Variants in PTPRK observed in about 807,000 individuals in gnomAD.
PTPRK encodes protein tyrosine phosphatase receptor type K.
A neutral mutation model predicts 178.0 loss-of-function variants in PTPRK; 75 were observed. That is an observed-to-expected ratio of 0.42 (90% CI 0.35 to 0.51). The LOEUF (loss-of-function observed/expected upper bound fraction) is 0.51. Among genes scored for constraint, PTPRK ranks in the 20% least tolerant of loss-of-function variants. PTPRK has a pLI of 0.02. For missense variants in PTPRK, 1,441 were observed against 1,797.8 expected (o/e 0.80, Z 3.59); for synonymous variants, 637 against 620.6 (o/e 1.03, Z -0.39).
intron 13 of PTPRK, among the ~76,000 whole-genome samples, chr6:128,029,149 T>G (rs1774843031): frequency 6.6e-6 from 1 of 152,126 alleles, no homozygotes; most frequent in Admixed American, 6.6e-5. Context: ...GGTGCCATCC[T>G]CACAGTAATG....
intron 7 of PTPRK, among the ~76,000 whole-genome samples, chr6:128,174,520 C>G (rs1378651829): frequency 6.6e-6 from 1 of 151,674 alleles, no homozygotes; most frequent in African/African-American, 2.4e-5. Flanking sequence ...AGTGCATGTT[C>G]CTTTGTTTAA....
chr6:128,002,889 T>A (rs1253137238), intron 15 of PTPRK, among the ~76,000 whole-genome samples: 1 of 151,954 alleles, frequency 6.6e-6, no homozygotes, highest in Non-Finnish European at 1.5e-5. Flanking sequence ...CACCCTGAGA[T>A]GTATGCATTT....
At chr6:128,245,931 T>C (rs1815375732) in intron 3 of PTPRK, among the ~76,000 whole-genome samples, 1 of 152,178 alleles carries the variant, frequency 6.6e-6, no homozygotes, top group Non-Finnish European at 1.5e-5. Flanking sequence ...CACATAAATT[T>C]GAGATTTGAA....
intron 1 of PTPRK, among the ~76,000 whole-genome samples, chr6:128,446,742 C>T (rs1051751621): frequency 2.0e-5 from 3 of 152,090 alleles, no homozygotes; most frequent in African/African-American, 7.2e-5. Context: ...GCACTCTGGG[C>T]TACCGCTCCC....
In PTPRK at chr6:128,360,156, C is replaced by T. The variant is rs181125713; in HGVS notation, c.223+37410G>A. 2.1e-3 allele frequency among the ~76,000 whole-genome samples: 327 copies of T among 152,184 alleles called. 1 individual carries two copies. Among genetic ancestry groups the T allele is most frequent in the Non-Finnish European group, 4.0e-3 (275 of 68,002 alleles). ...ACCCATGATCTTCTGAGAATGACAGCGCTTAAGAGATCATTTCATAAAATC... is the reference window on the plus strand; with the variant it reads ...ACCCATGATCTTCTGAGAATGACAGTGCTTAAGAGATCATTTCATAAAATC... On this transcript the variant is annotated intron_variant, in intron 2 of 29. Transcript: ENST00000368226.
At chr6:128,010,078 A>G (rs1778881132) in intron 13 of PTPRK, among the ~76,000 whole-genome samples, 1 of 151,400 alleles carries the variant, frequency 6.6e-6, no homozygotes, top group East Asian at 1.9e-4. Context: ...GAAAATTGAC[A>G]AGGAAAGTAT....
intron 6 of PTPRK, among the ~76,000 whole-genome samples, chr6:128,207,045 C>T (rs1583481986): frequency 6.6e-6 from 1 of 152,142 alleles, no homozygotes; most frequent in African/African-American, 2.4e-5. Context: ...CAGCAAAACC[C>T]TTTGGTTGCA....
intron 7 of PTPRK, among the ~76,000 whole-genome samples, chr6:128,181,759 T>G (rs995745696): frequency 6.6e-6 from 1 of 152,046 alleles, no homozygotes; most frequent in Non-Finnish European, 1.5e-5. Context: ...GACCTGAAAT[T>G]TGGGGAAAGG....
At chr6:128,243,914 G>A (rs1487347895) in intron 3 of PTPRK, among the ~76,000 whole-genome samples, 1 of 152,126 alleles carries the variant, frequency 6.6e-6, no homozygotes, top group African/African-American at 2.4e-5. Flanking sequence ...TGGCTATAAA[G>A]TGAAAGATGA....
intron 3 of PTPRK, among the ~76,000 whole-genome samples, chr6:128,301,248 A>T (rs896370237): frequency 1.2e-4 from 18 of 152,212 alleles, no homozygotes; most frequent in African/African-American, 3.6e-4. Flanking sequence ...CATTTCTTTT[A>T]ATACAATTCA....
intron 6 of PTPRK, among the ~76,000 whole-genome samples, chr6:128,214,238 C>T (rs1249326177): frequency 6.6e-6 from 1 of 152,004 alleles, no homozygotes; most frequent in Non-Finnish European, 1.5e-5. Flanking sequence ...AAATAACTGA[C>T]ATAAAGCAAG....
intron 7 of PTPRK, among the ~76,000 whole-genome samples, chr6:128,174,632 C>G (rs913707908): frequency 1.3e-5 from 2 of 151,846 alleles, no homozygotes; most frequent in East Asian, 3.9e-4. Flanking sequence ...AGCTTTAGTA[C>G]ATGCCCAAAT....
intron 3 of PTPRK, among the ~76,000 whole-genome samples, chr6:128,303,349 G>A (rs1394595677): frequency 5.3e-5 from 8 of 152,124 alleles, no homozygotes; most frequent in Admixed American, 2.0e-4. Context: ...CTATGAATCC[G>A]TATTACTGGC....
chr6:128,222,975 CCCTTTCT>C (rs1810677326), intron 5 of PTPRK, among the ~76,000 whole-genome samples: 1 of 152,090 alleles, frequency 6.6e-6, no homozygotes, highest in South Asian at 2.1e-4. Flanking sequence ...ATATACTCTT[CCCTTTCT>C]ACTCCTGCTG....
chr6:128,278,164 T>C (rs1414718309), intron 3 of PTPRK, among the ~76,000 whole-genome samples: 2 of 146,856 alleles, frequency 1.4e-5, no homozygotes, highest in Non-Finnish European at 3.0e-5. Context: ...TATTTATTTA[T>C]TTATTTATTT....
chr6:128,323,671 C>T (rs1829148948), intron 2 of PTPRK, among the ~76,000 whole-genome samples: 2 of 152,090 alleles, frequency 1.3e-5, no homozygotes, highest in Admixed American at 1.3e-4. Flanking sequence ...TGACCGATTG[C>T]CACTGAGTGG....
intron 3 of PTPRK, among the ~76,000 whole-genome samples, chr6:128,249,817 G>A (rs1816158357): frequency 6.6e-6 from 1 of 152,070 alleles, no homozygotes. Flanking sequence ...GTAATAATAA[G>A]GATGATGACG....
At chr6:128,187,186 T>C (rs972154911) in intron 6 of PTPRK, among the ~76,000 whole-genome samples, 1 of 150,804 alleles carries the variant, frequency 6.6e-6, no homozygotes, top group African/African-American at 2.4e-5. Flanking sequence ...CTATGGAAAA[T>C]AAGGAGAAAA....
chr6:128,029,101 T>C (rs945590912), intron 13 of PTPRK, among the ~76,000 whole-genome samples: 1 of 151,502 alleles, frequency 6.6e-6, no homozygotes, highest in African/African-American at 2.4e-5. Context: ...TGGTGGGAGG[T>C]TTTTGGTTTT....
Sources: gnomAD v4.1 joint callset for allele counts (sites outside exome capture counted in the v4.1 genomes callset) on GRCh38, gnomAD v4.1.1 for gene constraint, MANE v1.5 for transcripts, NCBI Gene and HGNC (gene_info 2026-07-23, HGNC 2026-07-21) for gene names.